Variants in VPS4A observed in about 807,000 individuals in gnomAD.
The protein encoded by VPS4A is vacuolar protein sorting-associated protein 4A.
VPS4A carries 20 observed loss-of-function variants against 52.3 expected under a neutral mutation model. The ratio of observed to expected loss-of-function variants is 0.38; its 90% confidence interval spans 0.27 to 0.56. The LOEUF (loss-of-function observed/expected upper bound fraction) is 0.56. Ranked by LOEUF, VPS4A falls within the 20% of genes least tolerant of loss-of-function variation. The pLI is 0.72. For synonymous variants in VPS4A, 293 were observed against 227.7 expected, an observed-to-expected ratio of 1.29 and a Z score of -2.58; for missense variants, 419 against 575.9, an observed-to-expected ratio of 0.73 and a Z score of 2.79.
In VPS4A at chr16:69,311,486, G is replaced by C. The variant is rs1965376704; in HGVS notation, c.-26G>C. ...ACCGAGGCCGCAAGCAGCGCCGCGG[G>C]GTGTGGGGCGGACCCAGGAGATGAA... On this transcript the variant is annotated 5_prime_UTR_variant, in exon 1 of 11. Coordinates refer to ENST00000254950, the MANE Select transcript of VPS4A (RefSeq NM_013245.3). The C allele has an allele frequency of 7.5e-7, 1 of 1,329,810 alleles. No homozygotes were observed. The highest frequency in any genetic ancestry group is 3.1e-5 in the East Asian group (1 of 31,978). 82.4% of individuals were successfully genotyped at this position (1,329,810 alleles called of 1,614,324 possible). A position where few individuals can be genotyped will look rare whatever the true frequency, so the allele number is the denominator to read the frequency against.
chr16:69,311,467 G>T lies in VPS4A; in HGVS notation c.-45G>T. 3.1e-6 allele frequency: 4 copies of T among 1,288,668 alleles called. No homozygotes were observed. Among genetic ancestry groups the T allele is most frequent in the Non-Finnish European group, 4.0e-6 (4 of 1,007,278 alleles). The allele number at this position is 1,288,668 out of a possible 1,614,324, so 79.8% of individuals were successfully genotyped here. A position where few individuals can be genotyped will look rare whatever the true frequency, so the allele number is the denominator to read the frequency against. ...CTCGGCTCCCCGGGGCCGGACCGAG[G>T]CCGCAAGCAGCGCCGCGGGGTGTGG... On this transcript the variant is annotated 5_prime_UTR_variant, in exon 1 of 11. Coordinates refer to ENST00000254950, the MANE Select transcript of VPS4A (RefSeq NM_013245.3).
chr16:69,323,892 G>A (rs1044356703), intron 10 of VPS4A, among the ~76,000 whole-genome samples: 6 of 148,358 alleles, frequency 4.0e-5, no homozygotes, highest in African/African-American at 1.0e-4. Context: ...GGAGGTTGCG[G>A]TGAGCCGAGA....
Position 69,320,927 on chromosome 16 carries a change from G to T in VPS4A, c.852-124G>T. ...CCCTTTGTGAGGCTGGCTTGTTGAG[G>T]ATGTGCCGCCAGCATCACTGGCCCA... On this transcript the variant is annotated intron_variant, in intron 8 of 10. Transcript: ENST00000254950. This position sits in a 1 kb window ranked among gnomAD's most constrained non-coding sequence, Gnocchi z 4.2. The T allele has an allele frequency of 8.1e-7, 1 of 1,241,154 alleles. No individual in the cohort carries two copies. The highest frequency in any genetic ancestry group is 1.1e-6 in the Non-Finnish European group (1 of 879,720). 76.9% of individuals were successfully genotyped at this position (1,241,154 alleles called of 1,614,324 possible).
In VPS4A at chr16:69,324,719, G is replaced by T. The variant is rs1965563054; in HGVS notation, c.*410G>T. ...TGCTGCCAGGTCACCCAGACCTCCA[G>T]ACAGCCGGCTAGCCCCACTGCCCGT... On this transcript the variant is annotated 3_prime_UTR_variant, in exon 11 of 11. Transcript: ENST00000254950. 4.8e-6 allele frequency: 1 copy of T among 209,596 alleles called. No homozygotes were observed. The highest frequency in any genetic ancestry group is 1.1e-4 in the East Asian group (1 of 9,086). 13.0% of individuals were successfully genotyped at this position (209,596 alleles called of 1,614,324 possible).
At chr16:69,315,137 T>G (rs1965420306) in intron 1 of VPS4A, among the ~76,000 whole-genome samples, 1 of 152,014 alleles carries the variant, frequency 6.6e-6, no homozygotes. Context: ...AGGTGGAGGT[T>G]GCAGTGAGCC....
chr16:69,314,436 G>A (rs1965412022), intron 1 of VPS4A, among the ~76,000 whole-genome samples: 1 of 152,114 alleles, frequency 6.6e-6, no homozygotes, highest in Non-Finnish European at 1.5e-5. Context: ...GTGTTCTGGA[G>A]ACGAGAAGCC....
In VPS4A at chr16:69,324,573, CT is replaced by C. The variant is rs1482079449; in HGVS notation, c.*272del. The C allele has an allele frequency of 1.7e-4, 72 of 429,228 alleles. No homozygotes were observed. The highest frequency in any genetic ancestry group is 9.2e-4 in the South Asian group (28 of 30,582). 26.6% of individuals were successfully genotyped at this position (429,228 alleles called of 1,614,324 possible). ...TCATCAGCTCCTTCTGCCTCCCCCC[CT>C]TTTTTTTCCATCTTTTGTTCCCCTA... On this transcript the variant is annotated 3_prime_UTR_variant, in exon 11 of 11. Coordinates refer to ENST00000254950, the MANE Select transcript of VPS4A (RefSeq NM_013245.3).
chr16:69,321,611 A>G lies in VPS4A; in HGVS notation c.1071+341A>G, dbSNP rs1468819405. ...TGTTGGATATAAAATGACCAGGAAG[A>G]CCTGTCTATTCATTCAGCAGATCTC... On this transcript the variant is annotated intron_variant, in intron 9 of 10. Coordinates refer to ENST00000254950, the MANE Select transcript of VPS4A (RefSeq NM_013245.3). The surrounding 1 kb of genome is among the most constrained non-coding windows in gnomAD (Gnocchi z 4.5). 9.4e-6 allele frequency: 3 copies of G among 319,592 alleles called. No homozygotes were observed. Among genetic ancestry groups the G allele is most frequent in the Non-Finnish European group, 1.8e-5 (3 of 167,230 alleles). 19.8% of individuals were successfully genotyped at this position (319,592 alleles called of 1,614,324 possible).
intron 5 of VPS4A, 74 bp downstream of exon 5, chr16:69,319,016 G>T (rs536723660): frequency 6.4e-7 from 1 of 1,564,276 alleles, no homozygotes; most frequent in Admixed American, 1.8e-5. Context: ...CGAGGCACCC[G>T]GGAGTCAGTG....
At chr16:69,319,668 T>A in intron 6 of VPS4A, 125 bp downstream of exon 6, 1 of 1,289,976 alleles carries the variant, frequency 7.8e-7, no homozygotes, top group Non-Finnish European at 1.1e-6. Context: ...CCAAGAGCAG[T>A]GTGTCGCTAG....
In VPS4A at chr16:69,324,650, G is replaced by T. The variant is rs927400289; in HGVS notation, c.*341G>T. ...TTATTTATAAAGATAAAATCACCTGGAAGTGTCAAGGAGTGGGGCGGGGTG... is the reference window on the plus strand; with the variant it reads ...TTATTTATAAAGATAAAATCACCTGTAAGTGTCAAGGAGTGGGGCGGGGTG... On this transcript the variant is annotated 3_prime_UTR_variant, in exon 11 of 11. Coordinates refer to ENST00000254950, the MANE Select transcript of VPS4A (RefSeq NM_013245.3). The T allele has an allele frequency of 2.7e-5, 7 of 262,350 alleles. No homozygotes were observed. The highest frequency in any genetic ancestry group is 4.6e-5 in the Non-Finnish European group (6 of 129,950). 16.3% of individuals were successfully genotyped at this position (262,350 alleles called of 1,614,324 possible).
At position 69,320,618 on chromosome 16, in the gene VPS4A, T is replaced by A; in HGVS notation, c.770-70T>A. 1 of 1,367,096 alleles carries A rather than the reference T, an allele frequency of 7.3e-7. No homozygotes were observed. Among genetic ancestry groups the A allele is most frequent in the Admixed American group, 2.1e-5 (1 of 47,590 alleles). 84.7% of individuals were successfully genotyped at this position (1,367,096 alleles called of 1,614,324 possible). A position where few individuals can be genotyped will look rare whatever the true frequency, so the allele number is the denominator to read the frequency against. On this transcript the variant is annotated intron_variant, in intron 7 of 10. Transcript: ENST00000254950. This position sits in a 1 kb window ranked among gnomAD's most constrained non-coding sequence, Gnocchi z 4.2. ...TTGCTGACACACAAAGCCCCCGGGG[T>A]CTGTCCCCAGGTTTCAACTGACCCG...
At position 69,326,516 on chromosome 16, in the gene VPS4A, G is replaced by A. The variant is rs1376680747; in HGVS notation, c.*2207G>A. The A allele has an allele frequency of 6.6e-6, 1 of 152,180 alleles. No homozygotes were observed. The highest frequency in any genetic ancestry group is 1.5e-5 in the Non-Finnish European group (1 of 68,038). 9.4% of individuals were successfully genotyped at this position (152,180 alleles called of 1,614,324 possible). Reference sequence around the variant, plus strand: ...CTCATTCCTACTGCTTAAACACCTTGACAAGTCCTAGGGGTTAACAAAGGT... The same window carrying A: ...CTCATTCCTACTGCTTAAACACCTTAACAAGTCCTAGGGGTTAACAAAGGT... On this transcript the variant is annotated 3_prime_UTR_variant, in exon 11 of 11. Coordinates refer to ENST00000254950, the MANE Select transcript of VPS4A (RefSeq NM_013245.3).
intron 1 of VPS4A, among the ~76,000 whole-genome samples, chr16:69,315,100 G>A (rs1413657798): frequency 6.6e-6 from 1 of 152,140 alleles, no homozygotes; most frequent in Non-Finnish European, 1.5e-5. Context: ...CGGATGTAGT[G>A]GTGGGCATCT....
At position 69,315,980 on chromosome 16, in the gene VPS4A, C is replaced by T. The variant is rs1965431173; in HGVS notation, c.22-28C>T. On this transcript the variant is annotated intron_variant, in intron 1 of 10. Transcript: ENST00000254950. Reference sequence around the variant, plus strand: ...GGGACTTTCCACCTCTCCGAGGAAGCACTGAGCCATTTGCTTTGCCTTTCC... The same window carrying T: ...GGGACTTTCCACCTCTCCGAGGAAGTACTGAGCCATTTGCTTTGCCTTTCC... 6 of 1,601,172 alleles carry T rather than the reference C, an allele frequency of 3.7e-6. No homozygotes were observed. In the Admixed American group the frequency reaches 8.3e-5, roughly 22 times the overall value.
chr16:69,316,136 G>C lies in VPS4A; in HGVS notation c.133+17G>C, dbSNP rs1965432939. On this transcript the variant is annotated intron_variant, in intron 2 of 10. Coordinates refer to ENST00000254950, the MANE Select transcript of VPS4A (RefSeq NM_013245.3). ...CTATCAAGTGTGAGTCACACGAGGGGTCCTCAGGCTGCCGCACTCCAGAGG... is the reference window on the plus strand; with the variant it reads ...CTATCAAGTGTGAGTCACACGAGGGCTCCTCAGGCTGCCGCACTCCAGAGG... 6.2e-7 allele frequency: 1 copy of C among 1,613,112 alleles called. No individual in the cohort carries two copies. The highest frequency in any genetic ancestry group is 1.3e-5 in the African/African-American group (1 of 75,050).
At position 69,316,261 on chromosome 16, in the gene VPS4A, G is replaced by T. The variant is rs1265429882; in HGVS notation, c.170G>T (p.Arg57Leu). ...AGCGACAAGGCCAAGGAGAGCATTCGAGCCAAGTGCGTGCAGTACCTAGAC... is the reference window on the plus strand; with the variant it reads ...AGCGACAAGGCCAAGGAGAGCATTCTAGCCAAGTGCGTGCAGTACCTAGAC... ...AHSDKAKESI[R>L]AKCVQYLDRA... The change falls in exon 3 of 11, where the codon CGA (arginine) becomes CTA (leucine). Residue 57 changes from arginine (R) to leucine (L), a missense_variant. Arg to Leu is a moderately radical substitution (Grantham distance 102, BLOSUM62 -2). Transcript: ENST00000254950. 6.2e-7 allele frequency: 1 copy of T among 1,613,772 alleles called. No homozygotes were observed. The highest frequency in any genetic ancestry group is 1.7e-5 in the Admixed American group (1 of 60,028).
rs1239534576 is a variant in VPS4A at position 69,321,642 on chromosome 16, A to C, written c.1071+372A>C. The stretch of plus-strand genomic sequence containing the variant: ...CTATTCATTCAGCAGATCTCTGCTG[A>C]GTATTTGCTGTGGGTCCTCCTGTGT... On this transcript the variant is annotated intron_variant, in intron 9 of 10. Transcript: ENST00000254950. This position sits in a 1 kb window ranked among gnomAD's most constrained non-coding sequence, Gnocchi z 4.5. 1 of 271,940 alleles carries C rather than the reference A, an allele frequency of 3.7e-6. No homozygotes were observed. Among genetic ancestry groups the C allele is most frequent in the Admixed American group, 4.8e-5 (1 of 20,884 alleles). 16.8% of individuals were successfully genotyped at this position (271,940 alleles called of 1,614,324 possible).
intron 5 of VPS4A, 49 bp from the exon 6 acceptor site, chr16:69,319,338 A>C (rs557506369): frequency 6.2e-7 from 1 of 1,605,560 alleles, no homozygotes; most frequent in South Asian, 1.1e-5. Context: ...TGCTTTTCCT[A>C]TTCCTTTCCC....
Sources: allele counts gnomAD v4.1 joint callset (sites outside exome capture counted in the v4.1 genomes callset), GRCh38; gene constraint gnomAD v4.1.1; non-coding constraint Gnocchi (gnomAD v3.1); transcripts MANE v1.5; gene names NCBI Gene and HGNC (gene_info 2026-07-23, HGNC 2026-07-21).